The following KCNT1 variants were observed in gnomAD, a reference collection of about 807,000 sequenced individuals.
KCNT1 encodes the protein potassium sodium-activated channel subfamily T member 1.
KCNT1 carries 78 observed loss-of-function variants against 147.8 expected under a neutral mutation model. The ratio of observed to expected loss-of-function variants is 0.53; its 90% CI spans 0.44 to 0.64. The LOEUF (loss-of-function observed/expected upper bound fraction) is 0.64, where lower values mean the gene tolerates loss of function less well. Among genes scored for constraint, KCNT1 ranks in the 30% least tolerant of loss-of-function variants. The probability of loss-of-function intolerance (pLI) is 0.00; values close to 1 mark genes in which losing one functional copy is unlikely to be tolerated. For missense variants in KCNT1, 1,419 were observed against 1,750.3 expected, an observed-to-expected ratio of 0.81 and a Z score of 3.38; for synonymous variants, 867 against 748.8, an observed-to-expected ratio of 1.16 and a Z score of -2.58.
rs369562243 is a variant in KCNT1, at chr9:135,768,607, C to T, written c.1338-3C>T. 434 of 1,550,164 alleles carry T rather than the reference C, an allele frequency of 2.8e-4. No individual in the cohort carries two copies. The highest frequency in any genetic ancestry group is 7.5e-4 in the Admixed American group (38 of 50,980). The stretch of plus-strand genomic sequence containing the variant: ...CCCACGCTCAGGCCCTGGTGCATTG[C>T]AGGATGGACAATGGGGAGGCCTGCT... On this transcript the variant is annotated splice_polypyrimidine_tract_variant and splice_region_variant and intron_variant, in intron 13 of 30. Coordinates refer to ENST00000371757, the MANE Select transcript of KCNT1 (RefSeq NM_020822.3).
chr9:135,732,022 A>AGAGAGG (rs1564328266), intron 2 of KCNT1, among the ~76,000 whole-genome samples: 3 of 129,408 alleles, frequency 2.3e-5, no homozygotes, highest in Non-Finnish European at 5.0e-5. Context: ...AGAGAGAGAG[A>AGAGAGG]GAGAGAGAGA....
Position 135,702,424 on chromosome 9 carries a change from C to CG in KCNT1, c.110+56_110+57insG, listed in dbSNP as rs1276269215. 3.7e-6 allele frequency: 5 copies of CG among 1,367,208 alleles called. No individual in the cohort carries two copies. The African/African-American group carries it at 5.7e-5, about 16-fold the overall frequency. 84.7% of individuals were successfully genotyped at this position (1,367,208 alleles called of 1,614,324 possible). On this transcript the variant is annotated intron_variant, in intron 1 of 30. Coordinates refer to ENST00000371757, the MANE Select transcript of KCNT1 (RefSeq NM_020822.3). ...GAGGCCCCGGTCTAACCTAAGACCC[C>CG]CAAGTTCCCCCTCAGGCTCCCGCAC...
chr9:135,763,836 C>T lies in KCNT1; in HGVS notation c.1036-1195C>T, dbSNP rs145397375. Among the ~76,000 whole-genome samples the T allele has an allele frequency of 1.6e-3, 239 of 152,290 alleles. 4 individuals carry two copies. Among genetic ancestry groups the T allele is most frequent in the African/African-American group, 5.5e-3 (227 of 41,550 alleles). On this transcript the variant is annotated intron_variant, in intron 11 of 30. Transcript: ENST00000371757. ...GCCGTCATTAGCTCCTTCATCCTCA[C>T]GGCGGCCCTGGAGGGTTGCCGTGCC...
At chr9:135,737,974 C>T (rs756164731) in intron 2 of KCNT1, among the ~76,000 whole-genome samples, 25 of 152,206 alleles carry the variant, frequency 1.6e-4, no homozygotes, top group Non-Finnish European at 2.5e-4. Context: ...TCCCCTCCCC[C>T]TCCTCTTCCT....
intron 13 of KCNT1, among the ~76,000 whole-genome samples, chr9:135,766,266 G>T (rs2131481719): frequency 7.1e-6 from 1 of 140,180 alleles, no homozygotes; most frequent in African/African-American, 2.7e-5. Context: ...TAGATCATGT[G>T]GGGTGGACCA....
intron 1 of KCNT1, among the ~76,000 whole-genome samples, chr9:135,712,851 TGCTC>T (rs1437096011): frequency 6.6e-6 from 1 of 152,236 alleles, no homozygotes; most frequent in Non-Finnish European, 1.5e-5. Context: ...TATGGCCGTG[TGCTC>T]GCTCAAGTGT....
chr9:135,779,724 C>T (rs1219825123), intron 24 of KCNT1, among the ~76,000 whole-genome samples: 3 of 152,286 alleles, frequency 2.0e-5, no homozygotes, highest in Non-Finnish European at 4.4e-5. Context: ...AGCCTTCCAT[C>T]TCCCTGAGCA....
Position 135,793,653 on chromosome 9 carries a change from A to AC in KCNT1, c.*1493dup, listed in dbSNP as rs1189690030. ...CCTCCCCGGTGTCAGGGCAGACAAC[A>AC]CAGCAGCTGCTGGAGGGGCCGGCCC... On this transcript the variant is annotated 3_prime_UTR_variant, in exon 31 of 31. Transcript: ENST00000371757. The AC allele has an allele frequency of 5.2e-5, 8 of 152,490 alleles. No individual in the cohort carries two copies. The East Asian group carries it at 1.4e-3, about 26-fold the overall frequency. 9.4% of individuals were successfully genotyped at this position (152,490 alleles called of 1,614,324 possible). A position where few individuals can be genotyped will look rare whatever the true frequency, so the allele number is the denominator to read the frequency against.
chr9:135,721,043 G>A (rs1170771189), intron 2 of KCNT1, among the ~76,000 whole-genome samples: 1 of 152,258 alleles, frequency 6.6e-6, no homozygotes, highest in Non-Finnish European at 1.5e-5. Flanking sequence ...GGGCCGTGAA[G>A]GTTCGAGGAG....
intron 2 of KCNT1, among the ~76,000 whole-genome samples, chr9:135,741,939 C>T (rs1013174566): frequency 7.2e-5 from 11 of 152,220 alleles, no homozygotes; most frequent in African/African-American, 2.2e-4. Context: ...GCCCAGCCCC[C>T]GACCAGGCCG....
rs755796820 is a variant in KCNT1 at position 135,768,823 on chromosome 9, C to G, written c.1402-6C>G. The G allele has an allele frequency of 6.2e-7, 1 of 1,608,450 alleles. No individual in the cohort carries two copies. Among genetic ancestry groups the G allele is most frequent in the Non-Finnish European group, 8.5e-7 (1 of 1,177,412 alleles). On this transcript the variant is annotated splice_polypyrimidine_tract_variant and splice_region_variant and intron_variant, in intron 14 of 30. Transcript: ENST00000371757. ...GTCTGCACTGACCAACCACCCACCC[C>G]GCCAGGACCACCAGACCATCCTGCG...
chr9:135,794,034 C>T lies in KCNT1; in HGVS notation c.*1873C>T, dbSNP rs1026627480. On this transcript the variant is annotated 3_prime_UTR_variant, in exon 31 of 31. Coordinates refer to ENST00000371757, the MANE Select transcript of KCNT1 (RefSeq NM_020822.3). ...TCTCATGTCCCCCACACCCTGGCCC[C>T]CAGGCGAGGGGGGCTGCACAGCACC... 10 of 152,348 alleles carry T rather than the reference C, an allele frequency of 6.6e-5. No homozygotes were observed. The highest frequency in any genetic ancestry group is 2.4e-4 in the African/African-American group (10 of 41,460). The allele number at this position is 152,348 out of a possible 1,614,324, so 9.4% of individuals were successfully genotyped here. A position where few individuals can be genotyped will look rare whatever the true frequency, so the allele number is the denominator to read the frequency against.
chr9:135,718,554 A>G (rs981897683), intron 2 of KCNT1, among the ~76,000 whole-genome samples: 35 of 152,306 alleles, frequency 2.3e-4, no homozygotes, highest in African/African-American at 7.2e-4. Context: ...AGGTCTGGGT[A>G]AGGTGGAAGT....
At position 135,735,589 on chromosome 9, in the gene KCNT1, G is replaced by A. The variant is rs376255847; in HGVS notation, c.255-14509G>A. 6.0e-3 allele frequency among the ~76,000 whole-genome samples: 915 copies of A among 152,310 alleles called. 9 individuals carry two copies. The highest frequency in any genetic ancestry group is 0.04 in the South Asian group (191 of 4,826). Reference sequence around the variant, plus strand: ...AGCCGGCTCCGGGAGGGCTTCTGGTGTGAGTTTGGGGCGGGCCGGCCCACT... The same window carrying A: ...AGCCGGCTCCGGGAGGGCTTCTGGTATGAGTTTGGGGCGGGCCGGCCCACT... On this transcript the variant is annotated intron_variant, in intron 2 of 30. Transcript: ENST00000371757.
chr9:135,785,500 G>A, intron 28 of KCNT1, 170 bp downstream of exon 28: 1 of 824,614 alleles, frequency 1.2e-6, no homozygotes, highest in Non-Finnish European at 2.0e-6. Flanking sequence ...CTCAGAGAAG[G>A]CTGTTGACAC....
intron 12 of KCNT1, among the ~76,000 whole-genome samples, 160 bp downstream of exon 12, chr9:135,765,355 C>T (rs1467639950): frequency 3.5e-5 from 2 of 56,470 alleles, no homozygotes; most frequent in Non-Finnish European, 7.6e-5. Context: ...GAGACGCCAT[C>T]CTCTCCCCAG....
At chr9:135,760,748 G>T (rs545589839) in intron 11 of KCNT1, among the ~76,000 whole-genome samples, 3 of 152,232 alleles carry the variant, frequency 2.0e-5, no homozygotes, top group African/African-American at 7.2e-5. Flanking sequence ...GGCCCCCAGC[G>T]TGGGCCATGT....
intron 2 of KCNT1, among the ~76,000 whole-genome samples, chr9:135,734,916 C>T (rs546079365): frequency 5.3e-5 from 8 of 152,278 alleles, no homozygotes; most frequent in South Asian, 4.1e-4. Context: ...GCCCTGCAGG[C>T]GGCGCCCAGG....
At position 135,739,786 on chromosome 9, in the gene KCNT1, C is replaced by T. The variant is rs116299344; in HGVS notation, c.255-10312C>T. Among the ~76,000 whole-genome samples the T allele has an allele frequency of 2.8e-3, 426 of 152,340 alleles. 4 individuals are homozygous for T. Among genetic ancestry groups the T allele is most frequent in the African/African-American group, 9.7e-3 (404 of 41,586 alleles). ...AGTGCTCTGCGCTCTTTCTCCCCCA[C>T]CCTAGAATGCACCTGTTTGGGCGGC... On this transcript the variant is annotated intron_variant, in intron 2 of 30. Transcript: ENST00000371757.
Sources: gnomAD v4.1 joint callset for allele counts (sites outside exome capture counted in the v4.1 genomes callset) on GRCh38, gnomAD v4.1.1 for gene constraint, MANE v1.5 for transcripts, NCBI Gene and HGNC (gene_info 2026-07-23, HGNC 2026-07-21) for gene names.